SLC66A3: variants seen among roughly 807,000 people sequenced by gnomAD.
SLC66A3 encodes PQ loop repeat containing 3.
A neutral mutation model predicts 25.5 loss-of-function variants in SLC66A3; 23 were observed. The observed-to-expected ratio is 0.90, with a 90% CI of 0.65 to 1.28. The LOEUF (loss-of-function observed/expected upper bound fraction) is 1.28. SLC66A3 is among the 50% of genes most tolerant of loss of function. The pLI, the probability that SLC66A3 is intolerant of heterozygous loss-of-function variation, is 0.00. For synonymous variants in SLC66A3, 108 were observed against 112.6 expected (o/e 0.96, Z 0.26); for missense variants, 246 against 262.1 (o/e 0.94, Z 0.42).
At chr2:11,170,508 G>T (rs1662510837) in intron 4 of SLC66A3, among the ~76,000 whole-genome samples, 1 of 142,864 alleles carries the variant, frequency 7.0e-6, no homozygotes, top group Non-Finnish European at 1.6e-5. Context: ...TCAGGGCTGA[G>T]GTGCCGCGGC....
chr2:11,178,068 G>A lies in SLC66A3; in HGVS notation c.*240G>A, dbSNP rs1387136321. The A allele has an allele frequency of 8.7e-6, 3 of 345,096 alleles. No homozygotes were observed. Among genetic ancestry groups the A allele is most frequent in the Non-Finnish European group, 1.6e-5 (3 of 192,446 alleles). The allele number at this position is 345,096 out of a possible 1,614,324, so 21.4% of individuals were successfully genotyped here. The stretch of plus-strand genomic sequence containing the variant: ...GTGCTCAGACATCTGCAGTGTTGAG[G>A]CCAGTCACTGTTGGAAGTCATCCAA... On this transcript the variant is annotated 3_prime_UTR_variant, in exon 7 of 7. Coordinates refer to ENST00000295083, the MANE Select transcript of SLC66A3 (RefSeq NM_152391.5).
intron 3 of SLC66A3, 119 bp from the exon 4 acceptor site, chr2:11,164,084 TC>T: frequency 1.7e-6 from 1 of 599,512 alleles, no homozygotes; most frequent in Non-Finnish European, 3.0e-6. Context: ...TAGCATGTCC[TC>T]CCCTCCCACC....
At chr2:11,167,895 T>A (rs1662400090) in intron 4 of SLC66A3, among the ~76,000 whole-genome samples, 1 of 152,148 alleles carries the variant, frequency 6.6e-6, no homozygotes, top group African/African-American at 2.4e-5. Flanking sequence ...CCGAGATCGT[T>A]CCCCCAGAGG....
At chr2:11,175,755 G>A (rs1445405944) in intron 6 of SLC66A3, among the ~76,000 whole-genome samples, 1 of 152,202 alleles carries the variant, frequency 6.6e-6, no homozygotes, top group Non-Finnish European at 1.5e-5. Flanking sequence ...AATTCCTTAG[G>A]CTGTTTTCAA....
chr2:11,156,415 T>C (rs1409435746), intron 1 of SLC66A3, among the ~76,000 whole-genome samples: 1 of 152,170 alleles, frequency 6.6e-6, no homozygotes, highest in African/African-American at 2.4e-5. Context: ...GGAAAACACA[T>C]ACCTCAACCT....
At chr2:11,169,335 G>A (rs1662461974) in intron 4 of SLC66A3, among the ~76,000 whole-genome samples, 1 of 152,200 alleles carries the variant, frequency 6.6e-6, no homozygotes, top group South Asian at 2.1e-4. Flanking sequence ...TGGGGACCCA[G>A]CAGGAAACAG....
At chr2:11,166,991 G>C (rs1662367980) in intron 4 of SLC66A3, among the ~76,000 whole-genome samples, 1 of 152,184 alleles carries the variant, frequency 6.6e-6, no homozygotes, top group Non-Finnish European at 1.5e-5. Flanking sequence ...CTGTATTTTT[G>C]TTTGCCAACT....
At chr2:11,165,724 A>C (rs1028430119) in intron 4 of SLC66A3, among the ~76,000 whole-genome samples, 16 of 152,352 alleles carry the variant, frequency 1.1e-4, no homozygotes, top group South Asian at 8.3e-4. Flanking sequence ...AGCCTGGGCA[A>C]CATTGAGCAC....
intron 4 of SLC66A3, among the ~76,000 whole-genome samples, chr2:11,168,839 C>T (rs868332479): frequency 5.3e-5 from 8 of 152,010 alleles, no homozygotes; most frequent in Admixed American, 3.9e-4. Flanking sequence ...GCACTCCCTG[C>T]GGTTCCCTTC....
chr2:11,159,175 C>T (rs1343462247), intron 1 of SLC66A3, among the ~76,000 whole-genome samples: 1 of 152,212 alleles, frequency 6.6e-6, no homozygotes, highest in Non-Finnish European at 1.5e-5. Flanking sequence ...GTGAAGACCC[C>T]CATAGCTTTT....
chr2:11,168,646 C>G (rs1297474304), intron 4 of SLC66A3, among the ~76,000 whole-genome samples: 1 of 152,144 alleles, frequency 6.6e-6, no homozygotes, highest in Non-Finnish European at 1.5e-5. Flanking sequence ...GGTGCGAGCC[C>G]TCCCCTGCAG....
chr2:11,162,835 T>G (rs1237110526), intron 3 of SLC66A3, among the ~76,000 whole-genome samples: 6 of 152,086 alleles, frequency 3.9e-5, no homozygotes, highest in African/African-American at 1.4e-4. Flanking sequence ...TTCGATCTCC[T>G]GACCTCGTGA....
intron 3 of SLC66A3, among the ~76,000 whole-genome samples, chr2:11,162,693 G>A (rs1374571942): frequency 6.6e-6 from 1 of 152,124 alleles, no homozygotes; most frequent in African/African-American, 2.4e-5. Context: ...TGCAAGCTCC[G>A]CCTCCCGGGT....
chr2:11,162,732 G>A (rs999399469), intron 3 of SLC66A3, among the ~76,000 whole-genome samples: 6 of 151,908 alleles, frequency 3.9e-5, no homozygotes, highest in East Asian at 3.9e-4. Flanking sequence ...TCAGCCTCCC[G>A]AGTAGCTGGG....
chr2:11,165,577 G>C lies in SLC66A3; in HGVS notation c.354+1316G>C, dbSNP rs543573581. On this transcript the variant is annotated intron_variant, in intron 4 of 6. Transcript: ENST00000295083. ...GCTCCTCACATCCCAGACGATGGGC[G>C]GCCAGGCAGAGACGCTCCTCACTTC... Among the ~76,000 whole-genome samples the C allele has an allele frequency of 5.1e-4, 77 of 151,802 alleles. 1 individual carries two copies. Among genetic ancestry groups the C allele is most frequent in the Admixed American group, 5.0e-3 (76 of 15,262 alleles).
At chr2:11,164,590 G>T (rs1273230903) in intron 4 of SLC66A3, among the ~76,000 whole-genome samples, 1 of 150,574 alleles carries the variant, frequency 6.6e-6, no homozygotes, top group African/African-American at 2.5e-5. Context: ...TGCAGAGGGG[G>T]ATTTGGCAGG....
chr2:11,169,990 C>G (rs1309197507), intron 4 of SLC66A3, among the ~76,000 whole-genome samples: 4 of 151,956 alleles, frequency 2.6e-5, no homozygotes, highest in Admixed American at 2.0e-4. Context: ...AGGCACGTGC[C>G]ACCACACCCA....
intron 1 of SLC66A3, chr2:11,160,264 T>G (rs1291064646): frequency 4.9e-6 from 3 of 616,978 alleles, no homozygotes; most frequent in African/African-American, 3.7e-5. Flanking sequence ...CGGTGCCCAG[T>G]AAGTTCTGGA....
Position 11,177,980 on chromosome 2 carries a change from C to T in SLC66A3, c.*152C>T. On this transcript the variant is annotated 3_prime_UTR_variant, in exon 7 of 7. Coordinates refer to ENST00000295083, the MANE Select transcript of SLC66A3 (RefSeq NM_152391.5). ...TTTTTAGACTTGAAAGAAAGAGCCA[C>T]TTAAATTCTTGTTTAAAAATACCAA... 1 of 589,912 alleles carries T rather than the reference C, an allele frequency of 1.7e-6. No homozygotes were observed. The highest frequency in any genetic ancestry group is 3.2e-5 in the Admixed American group (1 of 31,344). 36.5% of individuals were successfully genotyped at this position (589,912 alleles called of 1,614,324 possible). A position where few individuals can be genotyped will look rare whatever the true frequency, so the allele number is the denominator to read the frequency against.
Sources: gnomAD v4.1 joint callset for allele counts (sites outside exome capture counted in the v4.1 genomes callset) on GRCh38, gnomAD v4.1.1 for gene constraint, MANE v1.5 for transcripts, NCBI Gene and HGNC (gene_info 2026-07-23, HGNC 2026-07-21) for gene names.